Variants in NTM observed in about 807,000 individuals in gnomAD.
NTM encodes IgLON family member 2.
Under a neutral mutation model 42.1 loss-of-function variants are expected in NTM, and 13 were observed. The ratio of observed to expected loss-of-function variants is 0.31; its 90% CI spans 0.20 to 0.49. The LOEUF is 0.49. Among genes scored for constraint, NTM ranks in the 20% least tolerant of loss-of-function variants. NTM has a pLI of 0.99. For synonymous variants in NTM, 187 were observed against 179.2 expected (o/e 1.04, Z -0.35); for missense variants, 373 against 452.8 (o/e 0.82, Z 1.60).
intron 1 of NTM, among the ~76,000 whole-genome samples, chr11:131,889,991 C>A (rs2051018563): frequency 6.6e-6 from 1 of 152,110 alleles, no homozygotes; most frequent in Non-Finnish European, 1.5e-5. Context: ...TTCTCTTGTT[C>A]ACAGAGACTC....
chr11:132,143,379 T>G (rs975512076), intron 2 of NTM, among the ~76,000 whole-genome samples: 2 of 152,188 alleles, frequency 1.3e-5, no homozygotes, highest in Non-Finnish European at 2.9e-5. Flanking sequence ...GTGATTCTGA[T>G]GCACAGTGAA....
intron 1 of NTM, among the ~76,000 whole-genome samples, chr11:131,752,928 G>C (rs890715926): frequency 6.6e-6 from 1 of 152,052 alleles, no homozygotes; most frequent in Admixed American, 6.5e-5. Flanking sequence ...CACAGCAAAA[G>C]AAACTACCAT....
chr11:132,224,676 G>A (rs1436660973), intron 4 of NTM, among the ~76,000 whole-genome samples: 2 of 152,166 alleles, frequency 1.3e-5, no homozygotes, highest in Non-Finnish European at 2.9e-5. Context: ...TCTTCCTGTG[G>A]TCCAGAGTAA....
At chr11:132,291,305 G>A (rs981707335) in intron 4 of NTM, among the ~76,000 whole-genome samples, 2 of 152,204 alleles carry the variant, frequency 1.3e-5, no homozygotes, top group East Asian at 1.9e-4. Context: ...ATTTGATATT[G>A]GATTCAGGAA....
intron 1 of NTM, among the ~76,000 whole-genome samples, chr11:131,686,777 T>C (rs1417864139): frequency 6.6e-6 from 1 of 152,136 alleles, no homozygotes; most frequent in Non-Finnish European, 1.5e-5. Context: ...CAGATCGGAA[T>C]GGGGTCATTT....
intron 7 of NTM, among the ~76,000 whole-genome samples, chr11:132,323,523 G>A (rs917556667): frequency 1.7e-4 from 26 of 151,582 alleles, no homozygotes; most frequent in African/African-American, 5.6e-4. Context: ...CTGAAATTGC[G>A]GCAATAATCA....
chr11:131,392,207 G>A (rs552318558), intron 1 of NTM, among the ~76,000 whole-genome samples: 7 of 152,320 alleles, frequency 4.6e-5, no homozygotes, highest in South Asian at 2.1e-4. Flanking sequence ...CTCTGCTGCC[G>A]CGGTGATATC....
chr11:131,668,830 G>A (rs1243770992), intron 1 of NTM, among the ~76,000 whole-genome samples: 4 of 152,202 alleles, frequency 2.6e-5, no homozygotes, highest in Non-Finnish European at 4.4e-5. Flanking sequence ...TATAAAGCCA[G>A]GGTGGAAATG....
intron 2 of NTM, among the ~76,000 whole-genome samples, chr11:132,109,611 C>T (rs909807939): frequency 2.0e-5 from 3 of 152,174 alleles, no homozygotes; most frequent in African/African-American, 7.2e-5. Context: ...GTGTCAAGAC[C>T]TACACGAGTT....
At chr11:131,636,521 T>G (rs11608052) in intron 1 of NTM, among the ~76,000 whole-genome samples, 1 of 151,834 alleles carries the variant, frequency 6.6e-6, no homozygotes, top group Non-Finnish European at 1.5e-5. Flanking sequence ...ACACGGAGGG[T>G]CAACTGAACT....
intron 2 of NTM, among the ~76,000 whole-genome samples, chr11:131,934,317 G>T (rs2058979953): frequency 6.6e-6 from 1 of 152,178 alleles, no homozygotes; most frequent in Non-Finnish European, 1.5e-5. Flanking sequence ...ATGATTAAGT[G>T]AATGGGCTCT....
chr11:131,627,190 T>C (rs1485440735), intron 1 of NTM, among the ~76,000 whole-genome samples: 1 of 152,142 alleles, frequency 6.6e-6, no homozygotes, highest in African/African-American at 2.4e-5. Flanking sequence ...GAAATTGCTA[T>C]TTGTGCATGA....
intron 1 of NTM, among the ~76,000 whole-genome samples, chr11:131,695,475 T>G (rs781614101): frequency 3.9e-5 from 6 of 152,246 alleles, no homozygotes; most frequent in Non-Finnish European, 7.3e-5. Flanking sequence ...TCAGGTTTTA[T>G]AAATGCAATT....
chr11:131,370,857 C>T lies in NTM; in HGVS notation c.51C>T (p.Phe17=). 1 of 1,614,182 alleles carries T rather than the reference C, an allele frequency of 6.2e-7. No individual in the cohort carries two copies. The highest frequency in any genetic ancestry group is 1.1e-5 in the South Asian group (1 of 91,080). The change falls in exon 1 of 9, where the codon TTC becomes TTT. Residue 17 remains phenylalanine (F), a synonymous_variant. Transcript: ENST00000683400. ...ACAATTCTATCTCTTGGGCAATCTT[C>T]ACGGGGCTGGCTGCTCTGTGTCTCT... ...KMHNSISWAI[F]TGLAALCLFQ... is the part of the protein sequence containing the mutation.
intron 1 of NTM, among the ~76,000 whole-genome samples, chr11:131,798,301 C>T (rs375275102): frequency 6.6e-6 from 1 of 152,124 alleles, no homozygotes; most frequent in African/African-American, 2.4e-5. Context: ...TGGACGTAGC[C>T]GAGAACTGGC....
intron 8 of NTM, among the ~76,000 whole-genome samples, chr11:132,331,914 A>T (rs905435013): frequency 6.6e-6 from 1 of 152,190 alleles, no homozygotes; most frequent in Non-Finnish European, 1.5e-5. Context: ...GGCAAGGGGC[A>T]AGGGCACCAA....
At chr11:131,434,359 C>A (rs189932546) in intron 1 of NTM, among the ~76,000 whole-genome samples, 1 of 152,286 alleles carries the variant, frequency 6.6e-6, no homozygotes, top group East Asian at 1.9e-4. Flanking sequence ...TGAGGAATTG[C>A]CACACTGTCT....
chr11:131,779,854 G>C (rs192948865), intron 1 of NTM, among the ~76,000 whole-genome samples: 1 of 152,200 alleles, frequency 6.6e-6, no homozygotes, highest in South Asian at 2.1e-4. Flanking sequence ...AAGGATGGGA[G>C]TGCAGGCTAG....
chr11:131,373,145 A>T (rs1293494639), intron 1 of NTM, among the ~76,000 whole-genome samples: 2 of 152,190 alleles, frequency 1.3e-5, no homozygotes, highest in South Asian at 2.1e-4. Context: ...GATGTGGCAA[A>T]GGTGATGTCT....
Sources: gnomAD v4.1 joint callset for allele counts (sites outside exome capture counted in the v4.1 genomes callset) on GRCh38, gnomAD v4.1.1 for gene constraint, MANE v1.5 for transcripts, NCBI Gene and HGNC (gene_info 2026-07-23, HGNC 2026-07-21) for gene names.